Variants in TBL1XR1 observed in about 807,000 individuals in gnomAD.
The protein encoded by TBL1XR1 is F-box-like/WD repeat-containing protein TBL1XR1.
A neutral mutation model predicts 66.9 loss-of-function variants in TBL1XR1; 5 were observed. That is an observed-to-expected ratio of 0.07 (90% CI 0.04 to 0.16). The LOEUF (loss-of-function observed/expected upper bound fraction) is 0.16, where lower values mean the gene tolerates loss of function less well. TBL1XR1 is among the 10% of genes least tolerant of loss of function. TBL1XR1 has a pLI of 1.00. For missense variants in TBL1XR1, 238 were observed against 623.2 expected (o/e 0.38, Z 6.58); for synonymous variants, 210 against 206.0 (o/e 1.02, Z -0.17).
At chr3:177,059,813 T>G (rs1156669477) in intron 3 of TBL1XR1, among the ~76,000 whole-genome samples, 1 of 152,118 alleles carries the variant, frequency 6.6e-6, no homozygotes, top group African/African-American at 2.4e-5. Flanking sequence ...CTAGAAGAGG[T>G]AGATCCACCC....
intron 1 of TBL1XR1, among the ~76,000 whole-genome samples, chr3:177,112,109 T>TATATATATATATATACATATATATA: frequency 2.7e-5 from 1 of 36,988 alleles, no homozygotes; most frequent in African/African-American, 1.5e-4. Flanking sequence ...ATATATATAT[T>TATATATATATATATACATATATATA]TTTTTTTTTT....
At chr3:177,083,366 A>G (rs980119691) in intron 2 of TBL1XR1, among the ~76,000 whole-genome samples, 9 of 152,238 alleles carry the variant, frequency 5.9e-5, no homozygotes, top group African/African-American at 2.2e-4. Flanking sequence ...CGATCAAGTT[A>G]GTATGTATGT....
At chr3:177,091,705 A>T (rs1722865833) in intron 2 of TBL1XR1, among the ~76,000 whole-genome samples, 1 of 152,238 alleles carries the variant, frequency 6.6e-6, no homozygotes. Flanking sequence ...ACTCAAAAAA[A>T]TCCTCACTTG....
In TBL1XR1 at chr3:177,179,054, T is replaced by C. The variant is rs546839559; in HGVS notation, c.-122+18067A>G. Among the ~76,000 whole-genome samples, 6 of 148,762 alleles carry C rather than the reference T, an allele frequency of 4.0e-5. 1 individual carries two copies. In the South Asian group the frequency reaches 1.3e-3, roughly 31 times the overall value. On this transcript the variant is annotated intron_variant, in intron 1 of 15. Coordinates refer to ENST00000457928, the MANE Select transcript of TBL1XR1 (RefSeq NM_024665.7). The stretch of plus-strand genomic sequence containing the variant: ...ATTGCTTGAAGCCGGGAGGTGGCAA[T>C]TGCAGTGAGCCAAGATCACGCCATT...
intron 1 of TBL1XR1, among the ~76,000 whole-genome samples, chr3:177,167,258 TA>T (rs141203690): frequency 0.032 from 4,859 of 152,244 alleles, 216 homozygotes; most frequent in African/African-American, 0.099. Flanking sequence ...GGCTACATAC[TA>T]CATGATTCCA....
chr3:177,074,343 T>C (rs771446733), intron 2 of TBL1XR1, among the ~76,000 whole-genome samples: 2 of 152,208 alleles, frequency 1.3e-5, no homozygotes, highest in African/African-American at 4.8e-5. Context: ...TTAGAAGATA[T>C]TCAAGCATAA....
intron 1 of TBL1XR1, among the ~76,000 whole-genome samples, chr3:177,132,936 T>C (rs1178493269): frequency 6.6e-6 from 1 of 152,170 alleles, no homozygotes; most frequent in Non-Finnish European, 1.5e-5. Context: ...ACAATACATA[T>C]ACTACCCTCC....
chr3:177,101,581 G>A (rs73039646), intron 1 of TBL1XR1, among the ~76,000 whole-genome samples: 1 of 152,176 alleles, frequency 6.6e-6, no homozygotes, highest in East Asian at 1.9e-4. Flanking sequence ...GAGCTGACTC[G>A]CTCTTGCCTT....
chr3:177,032,735 C>A, intron 14 of TBL1XR1: 1 of 328,372 alleles, frequency 3.0e-6, no homozygotes. Flanking sequence ...TCTGCAAAAC[C>A]GTTGGAAAAA....
At chr3:177,185,318 C>A (rs1250385823) in intron 1 of TBL1XR1, among the ~76,000 whole-genome samples, 2 of 151,946 alleles carry the variant, frequency 1.3e-5, no homozygotes. Flanking sequence ...GTTAAAATAG[C>A]AGCCAACCGG....
intron 1 of TBL1XR1, among the ~76,000 whole-genome samples, chr3:177,163,446 C>CTGCA (rs1314703522): frequency 6.6e-6 from 1 of 151,538 alleles, no homozygotes; most frequent in Non-Finnish European, 1.5e-5. Flanking sequence ...GAGGTGCAAG[C>CTGCA]TGCAGTGAGC....
chr3:177,131,292 C>T, intron 1 of TBL1XR1: 1 of 975,380 alleles, frequency 1.0e-6, no homozygotes, highest in East Asian at 1.1e-4. Context: ...TTTGCCTAAT[C>T]ATAAAGACCC....
intron 1 of TBL1XR1, among the ~76,000 whole-genome samples, chr3:177,129,257 C>T (rs190364309): frequency 6.6e-6 from 1 of 152,246 alleles, no homozygotes; most frequent in East Asian, 1.9e-4. Flanking sequence ...CAACTCATAT[C>T]TGAGACAATC....
chr3:177,096,553 T>C (rs1468163843), intron 2 of TBL1XR1, among the ~76,000 whole-genome samples: 4 of 152,198 alleles, frequency 2.6e-5, no homozygotes, highest in Non-Finnish European at 4.4e-5. Context: ...GTATCTCAGA[T>C]ACCCAACTGG....
chr3:177,085,442 G>C (rs558463693), intron 2 of TBL1XR1, among the ~76,000 whole-genome samples: 1 of 152,172 alleles, frequency 6.6e-6, no homozygotes, highest in Non-Finnish European at 1.5e-5. Context: ...CTCCAGGAAT[G>C]GTACAGATGA....
intron 1 of TBL1XR1, among the ~76,000 whole-genome samples, chr3:177,148,980 G>C (rs1222112779): frequency 6.8e-6 from 1 of 147,696 alleles, no homozygotes; most frequent in Non-Finnish European, 1.5e-5. Context: ...CTCCAGCCTG[G>C]ACAAAGAAGA....
chr3:177,062,185 T>C (rs1718600900), intron 3 of TBL1XR1, among the ~76,000 whole-genome samples: 1 of 152,212 alleles, frequency 6.6e-6, no homozygotes, highest in Admixed American at 6.5e-5. Flanking sequence ...CAGCCCCTCT[T>C]TAGGATATGC....
chr3:177,180,380 C>G (rs929372244), intron 1 of TBL1XR1, among the ~76,000 whole-genome samples: 16 of 146,910 alleles, frequency 1.1e-4, no homozygotes, highest in Middle Eastern at 7.0e-3. Context: ...ATTCCCCCCC[C>G]CCCCATTTAA....
intron 1 of TBL1XR1, among the ~76,000 whole-genome samples, chr3:177,108,595 GAAGT>G (rs1560184350): frequency 6.6e-6 from 1 of 152,092 alleles, no homozygotes; most frequent in East Asian, 1.9e-4. Flanking sequence ...TTTTCGCACA[GAAGT>G]AATACTAATA....
Sources: gnomAD v4.1 joint callset for allele counts (sites outside exome capture counted in the v4.1 genomes callset) on GRCh38, gnomAD v4.1.1 for gene constraint, MANE v1.5 for transcripts, NCBI Gene and HGNC (gene_info 2026-07-23, HGNC 2026-07-21) for gene names.